Variants in OR51B5 observed in about 807,000 individuals in gnomAD.
The protein encoded by OR51B5 is olfactory receptor 51B5.
For synonymous variants in OR51B5, 186 were observed against 144.8 expected, an observed-to-expected ratio of 1.28 and a Z score of -2.04; for missense variants, 456 against 374.6, an observed-to-expected ratio of 1.22 and a Z score of -1.79.
intron 1 of OR51B5, among the ~76,000 whole-genome samples, chr11:5,488,452 A>T (rs535215452): frequency 6.6e-6 from 1 of 152,292 alleles, no homozygotes; most frequent in African/African-American, 2.4e-5. Flanking sequence ...GAAGACTAAT[A>T]AATACTTAGC....
chr11:5,343,259 T>G lies in OR51B5; in HGVS notation c.266A>C (p.Glu89Ala), dbSNP rs754503533. The G allele has an allele frequency of 1.9e-6, 3 of 1,613,374 alleles. No homozygotes were observed. In the East Asian group the frequency reaches 6.7e-5, roughly 36 times the overall value. ...GGAAAAGCAGGCCGCACTTCCAATCTCCCTGTGATCCAGCCAGAGGACTCC... is the reference window on the plus strand; with the variant it reads ...GGAAAAGCAGGCCGCACTTCCAATCGCCCTGTGATCCAGCCAGAGGACTCC... Residue 89 changes from glutamate (E) to alanine (A), a missense_variant, in exon 1 of 1, where the codon GAG becomes GCG. Coordinates refer to ENST00000300773, the Ensembl canonical transcript of OR51B5.
At chr11:5,477,093 G>A (rs1223901161) in intron 1 of OR51B5, among the ~76,000 whole-genome samples, 1 of 152,160 alleles carries the variant, frequency 6.6e-6, no homozygotes, top group East Asian at 1.9e-4. Context: ...GAGTGGGAAG[G>A]AACTTTTAGA....
At chr11:5,453,494 G>C in intron 1 of OR51B5, 1 of 1,542,394 alleles carries the variant, frequency 6.5e-7, no homozygotes, top group Admixed American at 2.1e-5. Flanking sequence ...TTGCTATGGG[G>C]TTGTTCAATG....
chr11:5,358,246 C>G (rs766622879), intron 1 of OR51B5, among the ~76,000 whole-genome samples: 13 of 151,894 alleles, frequency 8.6e-5, no homozygotes, highest in Non-Finnish European at 1.5e-4. Flanking sequence ...AGACTGCTAG[C>G]AAGACTAATA....
intron 1 of OR51B5, among the ~76,000 whole-genome samples, chr11:5,396,653 C>T (rs1175300429): frequency 3.3e-5 from 5 of 151,932 alleles, no homozygotes; most frequent in African/African-American, 1.2e-4. Context: ...GATTCAATGC[C>T]ATCCCCATCA....
In OR51B5 at chr11:5,479,565, G is replaced by A. The variant is rs1373870984; in HGVS notation, n.84+26004C>T. On this transcript the variant is annotated intron_variant and non_coding_transcript_variant, in intron 1 of 4. Coordinates refer to the OR51B5 transcript ENST00000415970. ...TGCTCCAATTAAAAGACACAGACTG[G>A]CAAATTGGATAAAGAGTCAAGACCC... Among the ~76,000 whole-genome samples, 92 of 151,370 alleles carry A rather than the reference G, an allele frequency of 6.1e-4. 1 individual carries two copies. Among genetic ancestry groups the A allele is most frequent in the East Asian group, 2.3e-3 (12 of 5,132 alleles).
At position 5,433,150 on chromosome 11, in the gene OR51B5, G is replaced by T. The variant is rs61894128; in HGVS notation, n.84+72419C>A. On this transcript the variant is annotated intron_variant and non_coding_transcript_variant, in intron 1 of 4. Coordinates refer to the OR51B5 transcript ENST00000415970. ...AGAGTTTAGGAAAACTATCAAAGAT[G>T]TAGTGGCTTCTAAAAGACCATATTT... Among the ~76,000 whole-genome samples, 484 of 152,294 alleles carry T rather than the reference G, an allele frequency of 3.2e-3. 1 individual carries two copies. The highest frequency in any genetic ancestry group is 5.1e-3 in the Non-Finnish European group (346 of 68,026).
chr11:5,397,794 A>G (rs1279398595), intron 1 of OR51B5, among the ~76,000 whole-genome samples: 1 of 151,172 alleles, frequency 6.6e-6, no homozygotes, highest in East Asian at 1.9e-4. Context: ...AAGACTTGGA[A>G]CCAACCCAAA....
intron 1 of OR51B5, among the ~76,000 whole-genome samples, chr11:5,465,616 A>G (rs1272723212): frequency 1.4e-5 from 2 of 145,300 alleles, no homozygotes; most frequent in Non-Finnish European, 3.0e-5. Context: ...AGAGATATAG[A>G]TCAATGGAAC....
intron 1 of OR51B5, among the ~76,000 whole-genome samples, chr11:5,412,370 G>C (rs1850161345): frequency 6.6e-6 from 1 of 152,174 alleles, no homozygotes; most frequent in Admixed American, 6.5e-5. Context: ...CGATGCAGAA[G>C]ACGGGTGATT....
At chr11:5,462,435 A>G (rs1456286308) in intron 1 of OR51B5, among the ~76,000 whole-genome samples, 1 of 152,232 alleles carries the variant, frequency 6.6e-6, no homozygotes, top group East Asian at 1.9e-4. Context: ...GCTGACCATC[A>G]GCCTCATTTT....
chr11:5,427,229 C>T (rs1850464856), intron 1 of OR51B5, among the ~76,000 whole-genome samples: 1 of 152,246 alleles, frequency 6.6e-6, no homozygotes, highest in Non-Finnish European at 1.5e-5. Context: ...CGCATATGCA[C>T]ATTAATAAAT....
At chr11:5,469,903 C>T (rs2133800330) in intron 1 of OR51B5, among the ~76,000 whole-genome samples, 1 of 152,120 alleles carries the variant, frequency 6.6e-6, no homozygotes, top group East Asian at 1.9e-4. Flanking sequence ...TCTAAGCTGT[C>T]TCTCCTCTCT....
At chr11:5,502,374 T>C (rs1307119773) in intron 1 of OR51B5, among the ~76,000 whole-genome samples, 3 of 152,210 alleles carry the variant, frequency 2.0e-5, no homozygotes, top group Admixed American at 6.5e-5. Context: ...CGAGCTCCAG[T>C]CAAAATCAGG....
chr11:5,407,022 T>C (rs114252712), intron 1 of OR51B5, among the ~76,000 whole-genome samples: 3,873 of 152,140 alleles, frequency 0.025, 154 homozygotes, highest in African/African-American at 0.085. Flanking sequence ...ATTTAAAAGA[T>C]TTGAAAAACA....
chr11:5,343,685 G>GAATGTGCA, upstream of OR51B5: 1 of 524,044 alleles, frequency 1.9e-6, no homozygotes, highest in Non-Finnish European at 3.3e-6. Context: ...ACATTCTCAG[G>GAATGTGCA]GTTACTCATA....
At chr11:5,349,765 C>T (rs1272129112) in intron 1 of OR51B5, among the ~76,000 whole-genome samples, 1 of 152,114 alleles carries the variant, frequency 6.6e-6, no homozygotes, top group African/African-American at 2.4e-5. Flanking sequence ...CTCCTTTTCT[C>T]ACTTTTTGAG....
At chr11:5,453,524 C>T in intron 1 of OR51B5, 1 of 1,582,526 alleles carries the variant, frequency 6.3e-7, no homozygotes, top group Non-Finnish European at 8.6e-7. Flanking sequence ...CTGCATTCTT[C>T]CTCCTGACTG....
At chr11:5,422,829 T>C (rs1850372063) in intron 1 of OR51B5, 3 of 1,614,192 alleles carry the variant, frequency 1.9e-6, no homozygotes, top group Non-Finnish European at 2.5e-6. Context: ...CTCATTATTA[T>C]CGTGGATCCT....
Sources: gnomAD v4.1 joint callset for allele counts (sites outside exome capture counted in the v4.1 genomes callset) on GRCh38, gnomAD v4.1.1 for gene constraint, MANE v1.5 for transcripts, NCBI Gene and HGNC (gene_info 2026-07-23, HGNC 2026-07-21) for gene names.